CCDC38: variants seen among roughly 807,000 people sequenced by gnomAD.
CCDC38 encodes the protein coiled-coil domain containing 38, also known as coiled-coil domain-containing protein 38.
In CCDC38, 69 loss-of-function variants were observed where a neutral mutation model predicts 72.8. The ratio of observed to expected loss-of-function variants is 0.95; its 90% CI spans 0.78 to 1.16. The LOEUF is 1.16. Among genes scored for constraint, CCDC38 ranks in the 50% most tolerant of loss-of-function variants. The pLI, the probability that CCDC38 is intolerant of heterozygous loss-of-function variation, is 0.00. For missense variants in CCDC38, 626 were observed against 638.9 expected, an observed-to-expected ratio of 0.98 and a Z score of 0.22; for synonymous variants, 201 against 213.2, an observed-to-expected ratio of 0.94 and a Z score of 0.50.
At chr12:95,872,535 G>C (rs938476841) in intron 13 of CCDC38, 75 bp from the exon 14 acceptor site, 1 of 946,420 alleles carries the variant, frequency 1.1e-6, no homozygotes, top group African/African-American at 1.7e-5. Flanking sequence ...CTATATTACA[G>C]TAAAATCCCA....
intron 10 of CCDC38, among the ~76,000 whole-genome samples, chr12:95,887,849 A>G (rs1169153204): frequency 6.6e-6 from 1 of 152,212 alleles, no homozygotes; most frequent in Admixed American, 6.5e-5. Flanking sequence ...AATCTGTGCC[A>G]AATGCCACAG....
At chr12:95,928,308 C>A (rs1020690784) in intron 2 of CCDC38, among the ~76,000 whole-genome samples, 2 of 152,194 alleles carry the variant, frequency 1.3e-5, no homozygotes, top group Non-Finnish European at 2.9e-5. Context: ...ATCGCTGATA[C>A]CCTTTCTTCC....
chr12:95,895,625 C>T (rs1357745711), intron 7 of CCDC38, among the ~76,000 whole-genome samples: 2 of 151,686 alleles, frequency 1.3e-5, no homozygotes, highest in Non-Finnish European at 1.5e-5. Context: ...TGGTGGTGGG[C>T]GCCTGTAATC....
chr12:95,894,575 T>C (rs2079865278), intron 8 of CCDC38, among the ~76,000 whole-genome samples: 1 of 152,116 alleles, frequency 6.6e-6, no homozygotes, highest in African/African-American at 2.4e-5. Context: ...GAGCTCCTTG[T>C]TGAAAAGAGC....
intron 15 of CCDC38, among the ~76,000 whole-genome samples, chr12:95,867,624 C>T (rs1435600412): frequency 6.6e-6 from 1 of 152,142 alleles, no homozygotes; most frequent in Admixed American, 6.5e-5. Context: ...AATAAAAAGT[C>T]CAGAAAACCA....
In CCDC38 at chr12:95,879,838, G is replaced by T. The variant is rs763668435; in HGVS notation, c.991-43C>A. The T allele has an allele frequency of 6.9e-7, 1 of 1,451,250 alleles. No homozygotes were observed. The highest frequency in any genetic ancestry group is 2.0e-5 in the Admixed American group (1 of 51,254). 89.9% of individuals were successfully genotyped at this position (1,451,250 alleles called of 1,614,324 possible). A position where few individuals can be genotyped will look rare whatever the true frequency, so the allele number is the denominator to read the frequency against. On this transcript the variant is annotated intron_variant, in intron 11 of 15. Coordinates refer to ENST00000344280, the MANE Select transcript of CCDC38 (RefSeq NM_182496.3). The surrounding 1 kb of genome is among the most constrained non-coding windows in gnomAD (Gnocchi z 5.5). ...AAGAATATAATTTACTTAAAAATAT[G>T]CTACCTATGCACATGTGACTTATCT...
intron 2 of CCDC38, chr12:95,933,392 C>G (rs1456196842): frequency 1.3e-5 from 2 of 152,054 alleles, no homozygotes; most frequent in Non-Finnish European, 2.9e-5. Context: ...ATTAAATAAG[C>G]ATTTAACAGA....
At chr12:95,931,671 G>A (rs1383824960) in intron 2 of CCDC38, among the ~76,000 whole-genome samples, 1 of 152,216 alleles carries the variant, frequency 6.6e-6, no homozygotes, top group African/African-American at 2.4e-5. Flanking sequence ...ACAAAACAAA[G>A]ATGGCTGCTC....
chr12:95,925,100 G>A (rs1174733639), intron 2 of CCDC38, among the ~76,000 whole-genome samples: 1 of 151,278 alleles, frequency 6.6e-6, no homozygotes, highest in African/African-American at 2.4e-5. Context: ...GCTTGATGGG[G>A]ATGGCATTGA....
chr12:95,909,581 C>A (rs59455217), intron 4 of CCDC38, among the ~76,000 whole-genome samples: 3,666 of 152,220 alleles, frequency 0.024, 160 homozygotes, highest in African/African-American at 0.084. Flanking sequence ...ATATCAAAAT[C>A]TGGCAAAGAC....
At chr12:95,907,574 G>C (rs796204489) in intron 4 of CCDC38, among the ~76,000 whole-genome samples, 1 of 119,894 alleles carries the variant, frequency 8.3e-6, no homozygotes, top group East Asian at 2.7e-4. Flanking sequence ...CTGGCCAGGC[G>C]GGGGACTGAC....
rs140571287 is a variant in CCDC38, at chr12:95,935,744, C to A, written c.37+729G>T. On this transcript the variant is annotated intron_variant, in intron 2 of 15. Coordinates refer to ENST00000344280, the MANE Select transcript of CCDC38 (RefSeq NM_182496.3). ...GATTTGTAAGAGAAAATTGTAATTC[C>A]TTATATACCAATAAATACTAATTCC... is the stretch of plus-strand genomic sequence containing the variant. Among the ~76,000 whole-genome samples, 35 of 152,216 alleles carry A rather than the reference C, an allele frequency of 2.3e-4. No individual in the cohort carries two copies. In the East Asian group the frequency reaches 6.6e-3, roughly 29 times the overall value.
At chr12:95,928,876 C>A (rs373993054) in intron 2 of CCDC38, among the ~76,000 whole-genome samples, 1 of 152,190 alleles carries the variant, frequency 6.6e-6, no homozygotes. Flanking sequence ...GGGACCCACT[C>A]GAGGAGGCAG....
At chr12:95,926,490 C>A (rs200909633) in intron 2 of CCDC38, among the ~76,000 whole-genome samples, 14,148 of 151,310 alleles carry the variant, frequency 0.094, 1,165 homozygotes, top group East Asian at 0.46. Context: ...TTCAAAAAAC[C>A]AGCTCCTGGA....
In CCDC38 at chr12:95,879,677, A is replaced by C. The variant is rs1357756078; in HGVS notation, c.1109T>G (p.Val370Gly). The C allele has an allele frequency of 6.2e-7, 1 of 1,601,106 alleles. No homozygotes were observed. Among genetic ancestry groups the C allele is most frequent in the Admixed American group, 1.7e-5 (1 of 59,620 alleles). ...SQDVDENLEE[V>G]NKREKVIQDK... Reference sequence around the variant, plus strand: ...CTGTATAACTTTTTCTCTTTTGTTTACCTCTTCAAGATTTTCATCTACATC... The same window carrying C: ...CTGTATAACTTTTTCTCTTTTGTTTCCCTCTTCAAGATTTTCATCTACATC... Residue 370 changes from valine to glycine, a missense_variant, in exon 12 of 16, where the codon GTA (valine) becomes GGA (glycine). Transcript: ENST00000344280. This position sits in a 1 kb window ranked among gnomAD's most constrained non-coding sequence, Gnocchi z 5.5.
At chr12:95,927,141 G>T (rs950227071) in intron 2 of CCDC38, among the ~76,000 whole-genome samples, 3 of 152,032 alleles carry the variant, frequency 2.0e-5, no homozygotes, top group African/African-American at 7.2e-5. Flanking sequence ...TGACAGTGGG[G>T]TGTTAAAGTC....
intron 5 of CCDC38, among the ~76,000 whole-genome samples, chr12:95,903,110 TACATATTTTACAA>T (rs2079966763): frequency 6.6e-6 from 1 of 152,192 alleles, no homozygotes; most frequent in Non-Finnish European, 1.5e-5. Context: ...ACATCTATTG[TACATATTTTACAA>T]ACATATCTAG....
intron 1 of CCDC38, among the ~76,000 whole-genome samples, chr12:95,938,232 G>C (rs980654947): frequency 5.3e-5 from 8 of 152,166 alleles, no homozygotes; most frequent in African/African-American, 1.4e-4. Context: ...TCTCACGGGG[G>C]AAAAGAAAGA....
intron 5 of CCDC38, among the ~76,000 whole-genome samples, chr12:95,900,977 G>A (rs1031901274): frequency 1.3e-5 from 2 of 152,074 alleles, no homozygotes; most frequent in Admixed American, 6.6e-5. Flanking sequence ...AGATCAAGTC[G>A]CTAGAGGCCT....
Sources: allele counts gnomAD v4.1 joint callset (sites outside exome capture counted in the v4.1 genomes callset), GRCh38; gene constraint gnomAD v4.1.1; non-coding constraint Gnocchi (gnomAD v3.1); transcripts MANE v1.5; gene names NCBI Gene and HGNC (gene_info 2026-07-23, HGNC 2026-07-21).